MATN2: variants seen among roughly 807,000 people sequenced by gnomAD.
MATN2 encodes the protein matrilin-2.
MATN2 carries 69 observed loss-of-function variants against 103.2 expected under a neutral mutation model. The observed-to-expected ratio is 0.67, with a 90% CI of 0.55 to 0.82. MATN2 has a LOEUF of 0.82. Ranked by LOEUF, MATN2 falls within the 40% of genes least tolerant of loss-of-function variation. MATN2 has a pLI of 0.00. For synonymous variants in MATN2, 429 were observed against 450.2 expected (o/e 0.95, Z 0.60); for missense variants, 1,023 against 1,211.5 (o/e 0.84, Z 2.31).
At chr8:98,015,513 T>G (rs1049406239) in intron 10 of MATN2, among the ~76,000 whole-genome samples, 1 of 152,200 alleles carries the variant, frequency 6.6e-6, no homozygotes, top group African/African-American at 2.4e-5. Context: ...CAGCTCCCGT[T>G]GCTGCAGTTT....
intron 5 of MATN2, among the ~76,000 whole-genome samples, chr8:97,969,378 T>C (rs1422598764): frequency 6.6e-6 from 1 of 152,252 alleles, no homozygotes; most frequent in Admixed American, 6.5e-5. Flanking sequence ...TAATGTAGAA[T>C]AGTAATATAT....
intron 1 of MATN2, among the ~76,000 whole-genome samples, chr8:97,879,079 G>C (rs1365960828): frequency 6.6e-6 from 1 of 152,140 alleles, no homozygotes; most frequent in East Asian, 1.9e-4. Context: ...TTGGTACCTA[G>C]CACAAGAAGC....
At chr8:97,876,387 C>G (rs1332221354) in intron 1 of MATN2, among the ~76,000 whole-genome samples, 1 of 152,018 alleles carries the variant, frequency 6.6e-6, no homozygotes, top group Non-Finnish European at 1.5e-5. Context: ...TGGGATTTCT[C>G]CATGTTGGTC....
chr8:98,030,394 A>G, intron 14 of MATN2, 68 bp from the exon 15 acceptor site: 1 of 1,337,288 alleles, frequency 7.5e-7, no homozygotes. Flanking sequence ...TGGGTGCAGT[A>G]CACACAACTT....
intron 1 of MATN2, among the ~76,000 whole-genome samples, chr8:97,873,508 G>A (rs1052103448): frequency 6.6e-5 from 10 of 151,718 alleles, no homozygotes; most frequent in African/African-American, 2.4e-4. Flanking sequence ...ATTTTTGTAT[G>A]TTTAGTAGAG....
At position 98,007,059 on chromosome 8, in the gene MATN2, A is replaced by G; in HGVS notation, c.1328-46A>G. ...TTTGAATCTTGGTTGCTGGTGGGGT[A>G]TTGCCCCCTCGGCTCCTCTATGCTT... On this transcript the variant is annotated intron_variant, in intron 8 of 18. Transcript: ENST00000254898. The surrounding 1 kb of genome is among the most constrained non-coding windows in gnomAD (Gnocchi z 4.2). The G allele has an allele frequency of 6.4e-7, 1 of 1,555,146 alleles. No homozygotes were observed. The highest frequency in any genetic ancestry group is 2.4e-5 in the East Asian group (1 of 41,578).
At chr8:97,881,961 G>A (rs1043654133) in intron 1 of MATN2, among the ~76,000 whole-genome samples, 4 of 102,694 alleles carry the variant, frequency 3.9e-5, no homozygotes, top group African/African-American at 1.5e-4. Context: ...CTCTGTTGTT[G>A]CCCAGGCTGG....
intron 2 of MATN2, among the ~76,000 whole-genome samples, chr8:97,896,914 C>T (rs1454216874): frequency 7.7e-5 from 11 of 143,218 alleles, no homozygotes; most frequent in South Asian, 2.3e-4. Flanking sequence ...TCTGGCAACA[C>T]GACAGGGCTG....
intron 5 of MATN2, among the ~76,000 whole-genome samples, chr8:97,964,640 G>A (rs1407763592): frequency 6.6e-6 from 1 of 151,796 alleles, no homozygotes; most frequent in Non-Finnish European, 1.5e-5. Flanking sequence ...TCCATACATT[G>A]TCTAGGCTGG....
At chr8:98,001,220 C>T (rs1217680413) in intron 7 of MATN2, among the ~76,000 whole-genome samples, 1 of 152,126 alleles carries the variant, frequency 6.6e-6, no homozygotes, top group East Asian at 1.9e-4. Flanking sequence ...TATTTTTTAC[C>T]TGACAAGTCC....
chr8:97,905,262 C>T (rs1187913616), intron 2 of MATN2, among the ~76,000 whole-genome samples: 3 of 151,882 alleles, frequency 2.0e-5, no homozygotes, highest in Non-Finnish European at 4.4e-5. Flanking sequence ...CTATTTTAAC[C>T]GTTTATAGTA....
At chr8:97,881,945 G>T (rs1818268074) in intron 1 of MATN2, among the ~76,000 whole-genome samples, 1 of 111,324 alleles carries the variant, frequency 9.0e-6, no homozygotes, top group South Asian at 3.1e-4. Flanking sequence ...TTGAGACAGA[G>T]TCTCACTCTG....
chr8:98,022,238 T>C (rs191959904), intron 13 of MATN2, among the ~76,000 whole-genome samples: 13 of 152,288 alleles, frequency 8.5e-5, no homozygotes, highest in Admixed American at 5.2e-4. Flanking sequence ...GCTGAATGTT[T>C]TTTATAGTAT....
intron 18 of MATN2, among the ~76,000 whole-genome samples, chr8:98,035,398 TAA>T (rs1814202365): frequency 6.6e-6 from 1 of 150,792 alleles, no homozygotes; most frequent in African/African-American, 2.4e-5. Flanking sequence ...AAATTAAAAT[TAA>T]AAAGACAAAT....
chr8:97,918,468 A>G lies in MATN2; in HGVS notation c.143-12485A>G, dbSNP rs559954717. ...TGGGACTTGCAGGCCAGTAAATACCATAAGTATTTGTGGGGCGACATCACT... is the reference window on the plus strand; with the variant it reads ...TGGGACTTGCAGGCCAGTAAATACCGTAAGTATTTGTGGGGCGACATCACT... On this transcript the variant is annotated intron_variant, in intron 2 of 18. Transcript: ENST00000254898. Among the ~76,000 whole-genome samples, 6 of 152,346 alleles carry G rather than the reference A, an allele frequency of 3.9e-5. No individual in the cohort carries two copies. In the South Asian group the frequency reaches 8.3e-4, roughly 21 times the overall value.
chr8:97,896,319 G>A (rs1325994414), intron 2 of MATN2, among the ~76,000 whole-genome samples: 5 of 152,220 alleles, frequency 3.3e-5, no homozygotes, highest in African/African-American at 1.2e-4. Flanking sequence ...CTCAGATGTG[G>A]TGATGTCACC....
At chr8:97,886,882 C>G (rs1310548616) in intron 1 of MATN2, among the ~76,000 whole-genome samples, 1 of 151,784 alleles carries the variant, frequency 6.6e-6, no homozygotes, top group East Asian at 1.9e-4. Context: ...ACCTGCTAGT[C>G]CTGGGTTTGA....
At chr8:97,878,971 A>G (rs886130258) in intron 1 of MATN2, among the ~76,000 whole-genome samples, 1 of 152,240 alleles carries the variant, frequency 6.6e-6, no homozygotes, top group Non-Finnish European at 1.5e-5. Context: ...ATGCAGAACC[A>G]GGGCCATTTT....
intron 4 of MATN2, among the ~76,000 whole-genome samples, chr8:97,947,890 T>C (rs1810806669): frequency 6.6e-6 from 1 of 152,238 alleles, no homozygotes; most frequent in Non-Finnish European, 1.5e-5. Flanking sequence ...TCATTGCTCC[T>C]AGATGAAATA....
Sources: allele counts gnomAD v4.1 joint callset (sites outside exome capture counted in the v4.1 genomes callset), GRCh38; gene constraint gnomAD v4.1.1; non-coding constraint Gnocchi (gnomAD v3.1); transcripts MANE v1.5; gene names NCBI Gene and HGNC (gene_info 2026-07-23, HGNC 2026-07-21).